SETX: variants seen among roughly 807,000 people sequenced by gnomAD.
SETX encodes helicase senataxin.
A neutral mutation model predicts 227.2 loss-of-function variants in SETX; 90 were observed. The observed-to-expected ratio is 0.40, with a 90% CI of 0.33 to 0.47. The LOEUF is 0.47. Among genes scored for constraint, SETX ranks in the 20% least tolerant of loss-of-function variants. The probability of loss-of-function intolerance (pLI) is 0.91; values close to 1 mark genes in which losing one functional copy is unlikely to be tolerated. For synonymous variants in SETX, 1,210 were observed against 1,113.2 expected (o/e 1.09, Z -1.73); for missense variants, 3,052 against 3,181.5 (o/e 0.96, Z 0.98).
In SETX at chr9:132,300,806, A is replaced by G. The variant is rs750873207; in HGVS notation, c.5375-3T>C. 5.6e-6 allele frequency: 9 copies of G among 1,612,022 alleles called. No individual in the cohort carries two copies. The South Asian group carries it at 8.8e-5, about 16-fold the overall frequency. On this transcript the variant is annotated splice_region_variant and splice_polypyrimidine_tract_variant and intron_variant, in intron 11 of 25. Transcript: ENST00000224140. ...CAGTTCACATTCTTCCAGATAAACT[A>G]TGAAACAAGAAGAAGTCGGAATTCA...
intron 11 of SETX, among the ~76,000 whole-genome samples, chr9:132,302,681 C>CAAAAAAAAAAAAAAAAAAAA (rs57673567): frequency 1.3e-5 from 1 of 78,482 alleles, no homozygotes; most frequent in Non-Finnish European, 2.9e-5. Flanking sequence ...AAAAAAAAAG[C>CAAAAAAAAAAAAAAAAAAAA]AAAAAAAAAA....
At chr9:132,340,853 G>A (rs1022036306) in intron 5 of SETX, among the ~76,000 whole-genome samples, 2 of 152,144 alleles carry the variant, frequency 1.3e-5, no homozygotes, top group Non-Finnish European at 2.9e-5. Flanking sequence ...GGGAGAACTG[G>A]AAGCAGAACC....
Position 132,327,799 on chromosome 9 carries a change from CAGG to C in SETX, c.3796_3798del (p.Pro1266del), listed in dbSNP as rs2131439346. 1 of 1,614,186 alleles carries C rather than the reference CAGG, an allele frequency of 6.2e-7. No individual in the cohort carries two copies. The highest frequency in any genetic ancestry group is 8.5e-7 in the Non-Finnish European group (1 of 1,180,032). ...CGAAATTTCTTTGGCGGCACTATAG[CAGG>C]AGTTGTTCTACAACTTAGGTAATTT... On this transcript the variant is annotated inframe_deletion, in exon 10 of 26. Coordinates refer to ENST00000224140, the MANE Select transcript of SETX (RefSeq NM_015046.7).
rs754956426 is a variant in SETX, at chr9:132,264,232, G to A, written c.*7C>T. The A allele has an allele frequency of 1.1e-5, 17 of 1,613,706 alleles. No homozygotes were observed. The African/African-American group carries it at 2.0e-4, about 19-fold the overall frequency. On this transcript the variant is annotated 3_prime_UTR_variant, in exon 26 of 26. Transcript: ENST00000224140. ...CTGTGGCTGCTGGCCCATGTCACTG[G>A]GCTTTCCTATAAAAGCTTTCTTTTC... is the stretch of plus-strand genomic sequence containing the variant.
chr9:132,281,078 TC>T, intron 20 of SETX, among the ~76,000 whole-genome samples: 1 of 152,224 alleles, frequency 6.6e-6, no homozygotes, highest in African/African-American at 2.4e-5. Flanking sequence ...AGGGTAGGAT[TC>T]TTCTCTTTAT....
chr9:132,322,288 T>C (rs1846411817), intron 10 of SETX, among the ~76,000 whole-genome samples: 1 of 152,226 alleles, frequency 6.6e-6, no homozygotes. Flanking sequence ...TTTAGTACTA[T>C]GGTTTTATTT....
chr9:132,312,809 T>G lies in SETX; in HGVS notation c.5275-953A>C, dbSNP rs564958685. Among the ~76,000 whole-genome samples, 7 of 152,358 alleles carry G rather than the reference T, an allele frequency of 4.6e-5. No individual in the cohort carries two copies. In the South Asian group the frequency reaches 1.2e-3, roughly 27 times the overall value. On this transcript the variant is annotated intron_variant, in intron 10 of 25. Transcript: ENST00000224140. ...GTGCATTTTATGTTCACAGCATTAT[T>G]TACAATCACCAAAATGTGGAAACAA...
chr9:132,345,600 A>T (rs1397987921), intron 4 of SETX, among the ~76,000 whole-genome samples: 1 of 151,106 alleles, frequency 6.6e-6, no homozygotes, highest in Non-Finnish European at 1.5e-5. Flanking sequence ...ATAATTGAAC[A>T]AAGAGGTGAA....
intron 10 of SETX, among the ~76,000 whole-genome samples, chr9:132,322,207 T>C (rs1275917197): frequency 2.0e-5 from 3 of 152,238 alleles, no homozygotes. Context: ...TTTAAAGTAA[T>C]ATTTTTTAAA....
chr9:132,290,076 G>A (rs1031002822), intron 15 of SETX, among the ~76,000 whole-genome samples: 12 of 151,980 alleles, frequency 7.9e-5, no homozygotes, highest in African/African-American at 2.9e-4. Context: ...AGGCATGGTG[G>A]CACACACCTG....
At chr9:132,337,288 T>A (rs952531655) in intron 5 of SETX, among the ~76,000 whole-genome samples, 1 of 151,792 alleles carries the variant, frequency 6.6e-6, no homozygotes, top group African/African-American at 2.4e-5. Flanking sequence ...TCATTTTCCA[T>A]AACAGAATGT....
intron 2 of SETX, among the ~76,000 whole-genome samples, chr9:132,349,902 G>A (rs755603893): frequency 1.3e-5 from 2 of 152,124 alleles, no homozygotes; most frequent in African/African-American, 2.4e-5. Flanking sequence ...AGTGGGACGT[G>A]AAAAAGCCCT....
intron 15 of SETX, among the ~76,000 whole-genome samples, chr9:132,291,198 GCT>G (rs1372135552): frequency 3.8e-5 from 4 of 104,862 alleles, no homozygotes; most frequent in Non-Finnish European, 5.2e-5. Flanking sequence ...ACGGAGTCTT[GCT>G]CTGTCTCCTA....
chr9:132,287,012 G>A (rs1843942029), intron 17 of SETX, among the ~76,000 whole-genome samples: 1 of 152,198 alleles, frequency 6.6e-6, no homozygotes, highest in African/African-American at 2.4e-5. Flanking sequence ...AGAAGAAATG[G>A]CTGACACACA....
intron 19 of SETX, among the ~76,000 whole-genome samples, chr9:132,282,129 GTC>G (rs1422525553): frequency 6.7e-6 from 1 of 148,864 alleles, no homozygotes; most frequent in Non-Finnish European, 1.5e-5. Flanking sequence ...TATTTTTGAA[GTC>G]AGCCACCAAC....
Position 132,326,656 on chromosome 9 carries a change from G to A in SETX, c.4942C>T (p.Pro1648Ser), listed in dbSNP as rs1846794106. ...PQPVPLIAQK[P>S]VGEMKNSCNV... Reference sequence around the variant, plus strand: ...CACGAATTCTTCATTTCACCAACTGGCTTCTGAGCTATGAGGGGAACTGGC... The same window carrying A: ...CACGAATTCTTCATTTCACCAACTGACTTCTGAGCTATGAGGGGAACTGGC... The change falls in exon 10 of 26, where the codon CCA (proline) becomes TCA (serine). Residue 1648 changes from proline to serine, a missense_variant. Physicochemically the swap from Pro to Ser is moderately conservative, Grantham distance 74 (BLOSUM62 -1). This residue lies in a region of SETX where 1,483 missense variants were observed against 1,312.0 expected (regional missense o/e 1.13). Transcript: ENST00000224140. 1 of 1,614,190 alleles carries A rather than the reference G, an allele frequency of 6.2e-7. No individual in the cohort carries two copies. Among genetic ancestry groups the A allele is most frequent in the East Asian group, 2.2e-5 (1 of 44,886 alleles).
intron 7 of SETX, among the ~76,000 whole-genome samples, chr9:132,332,363 C>T (rs1023546454): frequency 3.3e-5 from 5 of 152,196 alleles, no homozygotes; most frequent in African/African-American, 9.6e-5. Context: ...CTATATTAAA[C>T]ATTCCCCCAC....
At chr9:132,346,729 A>T (rs1436570654) in intron 3 of SETX, among the ~76,000 whole-genome samples, 1 of 151,742 alleles carries the variant, frequency 6.6e-6, no homozygotes, top group Admixed American at 6.6e-5. Flanking sequence ...AGGTAGGAGG[A>T]CTGTTTCAGG....
At chr9:132,332,941 GT>G (rs372762370) in intron 7 of SETX, among the ~76,000 whole-genome samples, 51 of 148,888 alleles carry the variant, frequency 3.4e-4, no homozygotes, top group African/African-American at 1.2e-3. Flanking sequence ...AAAGGTGTTT[GT>G]TTTTTTTTAA....
Sources: gnomAD v4.1 joint callset for allele counts (sites outside exome capture counted in the v4.1 genomes callset) on GRCh38, gnomAD v4.1.1 for gene constraint, gnomAD v4.1.1 regional missense constraint, MANE v1.5 for transcripts, NCBI Gene and HGNC (gene_info 2026-07-23, HGNC 2026-07-21) for gene names.